KLRG1: variants seen among roughly 807,000 people sequenced by gnomAD.
The protein encoded by KLRG1 is killer cell lectin like receptor G1, also known as killer cell lectin-like receptor subfamily G member 1.
Under a neutral mutation model 21.8 loss-of-function variants are expected in KLRG1, and 16 were observed. The observed-to-expected ratio is 0.73, with a 90% CI of 0.50 to 1.11. KLRG1 has a LOEUF of 1.11. KLRG1 is among the 50% of genes most tolerant of loss of function. The pLI, the probability that KLRG1 is intolerant of heterozygous loss-of-function variation, is 0.00. For missense variants in KLRG1, 173 were observed against 218.3 expected (o/e 0.79, Z 1.31); for synonymous variants, 69 against 75.9 (o/e 0.91, Z 0.47).
the KLRG1 span, chr12:9,080,196 C>T: frequency 2.7e-6 from 4 of 1,498,742 alleles, no homozygotes; most frequent in Non-Finnish European, 3.7e-6. Context: ...ATAAGCAAAT[C>T]AGACATATGA....
the KLRG1 span, among the ~76,000 whole-genome samples, chr12:9,132,395 A>AG: frequency 3.3e-5 from 5 of 152,380 alleles, no homozygotes; most frequent in Non-Finnish European, 5.9e-5. Flanking sequence ...CTGCAAGTAC[A>AG]GAAAGGAGGT....
the KLRG1 span, among the ~76,000 whole-genome samples, chr12:9,197,914 A>T: frequency 1.6e-5 from 2 of 127,814 alleles, no homozygotes; most frequent in African/African-American, 3.0e-5. Flanking sequence ...TATTTATATT[A>T]TATATTATAT....
chr12:9,148,978 A>G, the KLRG1 span: 1 of 1,611,116 alleles, frequency 6.2e-7, no homozygotes, highest in Non-Finnish European at 8.5e-7. Context: ...GTCCTCAAAC[A>G]TTTCCATGCT....
intron 1 of KLRG1, among the ~76,000 whole-genome samples, chr12:8,975,101 T>A (rs1273551330): frequency 1.3e-5 from 2 of 152,114 alleles, no homozygotes; most frequent in Non-Finnish European, 2.9e-5. Flanking sequence ...AGTTTCACCA[T>A]GTTGGCCAGG....
chr12:9,037,172 T>G, the KLRG1 span: 1 of 155,438 alleles, frequency 6.4e-6, no homozygotes, highest in Admixed American at 6.5e-5. Context: ...CACTTTCTGC[T>G]CTGCTAGATA....
At chr12:9,180,872 A>C in the KLRG1 span, 42 of 1,210,862 alleles carry the variant, frequency 3.5e-5, no homozygotes, top group African/African-American at 3.4e-4. Flanking sequence ...CAACCTACAA[A>C]ATGGGAGAAA....
chr12:9,095,741 ACTTT>A, the KLRG1 span: 17 of 437,032 alleles, frequency 3.9e-5, no homozygotes, highest in East Asian at 5.3e-5. Flanking sequence ...CTTATTTGTG[ACTTT>A]TTTTTTTTTT....
chr12:9,159,962 T>G, the KLRG1 span: 1 of 1,613,724 alleles, frequency 6.2e-7, no homozygotes, highest in South Asian at 1.1e-5. Context: ...GTTCCTGCCA[T>G]ATCGTTCCCC....
the KLRG1 span, chr12:9,163,723 A>G: frequency 3.7e-6 from 6 of 1,613,940 alleles, no homozygotes; most frequent in African/African-American, 8.0e-5. Flanking sequence ...AGGGACCTCA[A>G]CAACCTCATT....
At chr12:9,032,079 A>G in the KLRG1 span, among the ~76,000 whole-genome samples, 1 of 152,236 alleles carries the variant, frequency 6.6e-6, no homozygotes, top group Non-Finnish European at 1.5e-5. Context: ...TGGATATTTC[A>G]TGGCCCTGTT....
the KLRG1 span, among the ~76,000 whole-genome samples, chr12:9,193,729 G>C: frequency 6.6e-6 from 1 of 152,172 alleles, no homozygotes; most frequent in Non-Finnish European, 1.5e-5. Flanking sequence ...GTGTGTGTGT[G>C]TGTGATCACT....
chr12:8,955,210 G>T (rs773978329), intron 1 of KLRG1, among the ~76,000 whole-genome samples: 2 of 152,104 alleles, frequency 1.3e-5, no homozygotes, highest in African/African-American at 4.8e-5. Flanking sequence ...ACTGCACCTG[G>T]CCGAAATATA....
At chr12:8,964,068 C>T (rs1946424143) in intron 1 of KLRG1, among the ~76,000 whole-genome samples, 1 of 152,050 alleles carries the variant, frequency 6.6e-6, no homozygotes, top group Admixed American at 6.6e-5. Flanking sequence ...TATTTCTTGC[C>T]TTCTGCTAGC....
the KLRG1 span, among the ~76,000 whole-genome samples, chr12:9,044,351 A>G: frequency 1.3e-5 from 2 of 152,302 alleles, no homozygotes; most frequent in Admixed American, 1.3e-4. Context: ...CAATCAAAAA[A>G]TAAGAATTTT....
At chr12:9,046,137 A>G in the KLRG1 span, among the ~76,000 whole-genome samples, 1 of 152,216 alleles carries the variant, frequency 6.6e-6, no homozygotes, top group East Asian at 1.9e-4. Flanking sequence ...ACATTTACCT[A>G]TGTAACATGG....
intron 1 of KLRG1, among the ~76,000 whole-genome samples, chr12:8,961,033 TA>T (rs1335623948): frequency 3.0e-5 from 2 of 65,934 alleles, no homozygotes; most frequent in Non-Finnish European, 9.5e-5. Context: ...TAGGTTTCAT[TA>T]TTATTTCCAT....
the KLRG1 span, among the ~76,000 whole-genome samples, chr12:9,121,414 G>A: frequency 1.3e-5 from 2 of 151,956 alleles, no homozygotes; most frequent in Non-Finnish European, 2.9e-5. The surrounding 1 kb of genome is among the most constrained non-coding windows in gnomAD (Gnocchi z 4.4). Flanking sequence ...GGTGGCGTGC[G>A]CCTGTAGTCC....
the KLRG1 span, among the ~76,000 whole-genome samples, chr12:9,059,920 T>C: frequency 1.3e-5 from 2 of 151,044 alleles, no homozygotes; most frequent in Admixed American, 6.6e-5. Context: ...ACTCAAGCAA[T>C]CCATCCGCCT....
the KLRG1 span, chr12:9,028,220 C>G: frequency 7.4e-6 from 4 of 543,650 alleles, no homozygotes; most frequent in Non-Finnish European, 3.2e-6. Flanking sequence ...GGTGTGATCT[C>G]GGCTCACTGC....
Sources: allele counts gnomAD v4.1 joint callset (sites outside exome capture counted in the v4.1 genomes callset), GRCh38; gene constraint gnomAD v4.1.1; non-coding constraint Gnocchi (gnomAD v3.1); transcripts MANE v1.5; gene names NCBI Gene and HGNC (gene_info 2026-07-23, HGNC 2026-07-21).